The following PPP1R12B variants were observed in gnomAD, a reference collection of about 807,000 sequenced individuals.
PPP1R12B encodes the protein protein phosphatase 1 regulatory subunit 12B.
Under a neutral mutation model 126.1 loss-of-function variants are expected in PPP1R12B, and 76 were observed. That is an observed-to-expected ratio of 0.60 (90% confidence interval 0.50 to 0.73). The LOEUF is 0.73. Ranked by LOEUF, PPP1R12B falls within the 30% of genes least tolerant of loss-of-function variation. The pLI is 0.00. For synonymous variants in PPP1R12B, 356 were observed against 434.7 expected, an observed-to-expected ratio of 0.82 and a Z score of 2.25; for missense variants, 1,052 against 1,205.1, an observed-to-expected ratio of 0.87 and a Z score of 1.88.
chr1:202,407,050 A>G (rs1666705783), intron 1 of PPP1R12B, among the ~76,000 whole-genome samples: 1 of 152,154 alleles, frequency 6.6e-6, no homozygotes, highest in East Asian at 1.9e-4. Flanking sequence ...TGCAGATTTC[A>G]TTTTCTGAGC....
chr1:202,439,014 G>T (rs898026690), intron 10 of PPP1R12B: 5 of 1,402,868 alleles, frequency 3.6e-6, no homozygotes, highest in African/African-American at 2.8e-5. Context: ...CAGGAGTGCG[G>T]CAGTGCCCAC....
chr1:202,524,904 G>T (rs376331308), intron 18 of PPP1R12B, among the ~76,000 whole-genome samples: 2 of 152,028 alleles, frequency 1.3e-5, no homozygotes, highest in African/African-American at 4.8e-5. Context: ...TTTGGACAGA[G>T]TCTCACTCTG....
intron 18 of PPP1R12B, among the ~76,000 whole-genome samples, chr1:202,503,456 G>A (rs1398955073): frequency 6.6e-6 from 1 of 152,182 alleles, no homozygotes; most frequent in African/African-American, 2.4e-5. Context: ...ATGTCAAGAG[G>A]ACAGTTAGAT....
chr1:202,421,488 A>C (rs1558203107), intron 2 of PPP1R12B, among the ~76,000 whole-genome samples: 1 of 151,738 alleles, frequency 6.6e-6, no homozygotes, highest in Non-Finnish European at 1.5e-5. Context: ...AAAATACAAA[A>C]AATTAGCTGG....
chr1:202,580,194 A>G lies in PPP1R12B; in HGVS notation c.2863-280A>G, dbSNP rs138877685. Among the ~76,000 whole-genome samples, 56 of 152,376 alleles carry G rather than the reference A, an allele frequency of 3.7e-4. No homozygotes were observed. In the South Asian group the frequency reaches 6.0e-3, roughly 16 times the overall value. On this transcript the variant is annotated intron_variant, in intron 23 of 23. Coordinates refer to ENST00000608999, the MANE Select transcript of PPP1R12B (RefSeq NM_002481.4). ...GATTCAGTAGAATGAAAGGATATAC[A>G]GTGTGAAATGTGAGGTCTGCCTATG...
At position 202,588,321 on chromosome 1, in the gene PPP1R12B, G is replaced by C. The variant is rs1689947217; in HGVS notation, c.*7761G>C. 6.6e-6 allele frequency: 1 copy of C among 152,584 alleles called. No homozygotes were observed. The highest frequency in any genetic ancestry group is 6.5e-5 in the Admixed American group (1 of 15,284). The allele number at this position is 152,584 out of a possible 1,614,324, so 9.5% of individuals were successfully genotyped here. A position where few individuals can be genotyped will look rare whatever the true frequency, so the allele number is the denominator to read the frequency against. On this transcript the variant is annotated 3_prime_UTR_variant, in exon 24 of 24. Coordinates refer to ENST00000608999, the MANE Select transcript of PPP1R12B (RefSeq NM_002481.4). ...ACTTCAGTCCACTGTAAATACACCT[G>C]GGATGGGGTGGGGTTGGGGTTGTTT...
intron 13 of PPP1R12B, among the ~76,000 whole-genome samples, chr1:202,454,715 C>G (rs1673401366): frequency 1.3e-5 from 2 of 152,118 alleles, no homozygotes; most frequent in South Asian, 4.2e-4. Context: ...GGGAGGATCA[C>G]TTGAGACCAG....
chr1:202,560,241 G>A (rs1687378539), intron 19 of PPP1R12B, among the ~76,000 whole-genome samples: 1 of 152,148 alleles, frequency 6.6e-6, no homozygotes, highest in Non-Finnish European at 1.5e-5. Flanking sequence ...CTTTCCAAGT[G>A]TGATACCATT....
intron 1 of PPP1R12B, among the ~76,000 whole-genome samples, chr1:202,375,717 AT>A (rs1377163270): frequency 6.6e-6 from 1 of 152,032 alleles, no homozygotes; most frequent in African/African-American, 2.4e-5. Context: ...TGCTCGAGTA[AT>A]TTTTTAATCT....
At chr1:202,397,582 G>C (rs934974524) in intron 1 of PPP1R12B, among the ~76,000 whole-genome samples, 1 of 151,964 alleles carries the variant, frequency 6.6e-6, no homozygotes, top group African/African-American at 2.4e-5. Context: ...AGACACATGG[G>C]GATATATTTA....
chr1:202,454,214 C>G (rs1673343453), intron 13 of PPP1R12B, among the ~76,000 whole-genome samples: 1 of 152,142 alleles, frequency 6.6e-6, no homozygotes, highest in African/African-American at 2.4e-5. Flanking sequence ...ATGTTGTAAC[C>G]TACAATCAAT....
chr1:202,521,718 A>T (rs527494784), intron 18 of PPP1R12B, among the ~76,000 whole-genome samples: 3 of 152,192 alleles, frequency 2.0e-5, no homozygotes, highest in Non-Finnish European at 4.4e-5. Flanking sequence ...ATGAAAGATG[A>T]CCTGAGGAGC....
intron 3 of PPP1R12B, among the ~76,000 whole-genome samples, chr1:202,423,472 G>A (rs906745263): frequency 2.6e-5 from 4 of 152,124 alleles, no homozygotes; most frequent in Middle Eastern, 3.2e-3. Flanking sequence ...CTTGCTATGC[G>A]CATTGTTTAC....
chr1:202,522,668 T>A (rs1184162606), intron 18 of PPP1R12B, among the ~76,000 whole-genome samples: 1 of 152,154 alleles, frequency 6.6e-6, no homozygotes, highest in African/African-American at 2.4e-5. Flanking sequence ...TCCTTCCATA[T>A]GCTGTTTTCA....
chr1:202,587,892 G>A lies in PPP1R12B; in HGVS notation c.*7332G>A, dbSNP rs1689920831. The A allele has an allele frequency of 6.6e-6, 1 of 152,216 alleles. No individual in the cohort carries two copies. Among genetic ancestry groups the A allele is most frequent in the Non-Finnish European group, 1.5e-5 (1 of 68,064 alleles). The allele number at this position is 152,216 out of a possible 1,614,324, so 9.4% of individuals were successfully genotyped here. On this transcript the variant is annotated 3_prime_UTR_variant, in exon 24 of 24. Transcript: ENST00000608999. ...AAAGACACCAGGAGGCAGGCTGCGG[G>A]GTAGGAGAGGGTTCTGAGAGGAGGC... is the stretch of plus-strand genomic sequence containing the variant.
chr1:202,525,486 T>C lies in PPP1R12B; in HGVS notation c.2490+28664T>C, dbSNP rs575448464. Among the ~76,000 whole-genome samples, 434 of 152,000 alleles carry C rather than the reference T, an allele frequency of 2.9e-3. 2 individuals are homozygous for C. The highest frequency in any genetic ancestry group is 1.0e-2 in the African/African-American group (413 of 41,464). ...ACTAAGAACTGACCATTGATTTTGA[T>C]AACATTATGACCTTGATAAGAGTGG... is the stretch of plus-strand genomic sequence containing the variant. On this transcript the variant is annotated intron_variant, in intron 18 of 23. Transcript: ENST00000608999.
chr1:202,524,140 T>C (rs1683075841), intron 18 of PPP1R12B, among the ~76,000 whole-genome samples: 3 of 152,204 alleles, frequency 2.0e-5, no homozygotes, highest in Non-Finnish European at 1.5e-5. Flanking sequence ...TTGGATCACA[T>C]GGTAGCAATA....
chr1:202,375,736 G>A (rs1311870374), intron 1 of PPP1R12B, among the ~76,000 whole-genome samples: 1 of 152,090 alleles, frequency 6.6e-6, no homozygotes, highest in African/African-American at 2.4e-5. Context: ...TCTTTATTTT[G>A]TAGAGACAAG....
At chr1:202,485,986 G>A (rs570740505) in intron 13 of PPP1R12B, among the ~76,000 whole-genome samples, 4 of 152,154 alleles carry the variant, frequency 2.6e-5, no homozygotes, top group African/African-American at 4.8e-5. Flanking sequence ...GGCTCAAGCC[G>A]TCCTCCCATC....
Sources: gnomAD v4.1 joint callset for allele counts (sites outside exome capture counted in the v4.1 genomes callset) on GRCh38, gnomAD v4.1.1 for gene constraint, MANE v1.5 for transcripts, NCBI Gene and HGNC (gene_info 2026-07-23, HGNC 2026-07-21) for gene names.